The following ZNG1A variants were observed in gnomAD, a reference collection of about 807,000 sequenced individuals.
ZNG1A encodes zinc-regulated GTPase metalloprotein activator 1A.
chr9:129,171 G>A, the ZNG1A span, among the ~76,000 whole-genome samples: 1 of 152,074 alleles, frequency 6.6e-6, no homozygotes, highest in Non-Finnish European at 1.5e-5. Flanking sequence ...GCAGGGAGGT[G>A]GCACTTTCCA....
chr9:139,432 G>A, the ZNG1A span, among the ~76,000 whole-genome samples: 1 of 149,444 alleles, frequency 6.7e-6, no homozygotes, highest in African/African-American at 2.5e-5. Context: ...ACATTCCAGA[G>A]ATCTGCTGCA....
chr9:177,808 A>T, the ZNG1A span: 27 of 1,492,546 alleles, frequency 1.8e-5, no homozygotes, highest in Non-Finnish European at 2.3e-5. Flanking sequence ...TCAGCAGAGC[A>T]GCCTCTGAAT....
chr9:140,152 G>A, the ZNG1A span, among the ~76,000 whole-genome samples: 130 of 151,290 alleles, frequency 8.6e-4, 5 homozygotes, highest in African/African-American at 3.0e-3. Context: ...GAACTGGGTG[G>A]AGCCCACCAC....
chr9:171,298 A>G, the ZNG1A span, among the ~76,000 whole-genome samples: 1 of 152,146 alleles, frequency 6.6e-6, no homozygotes, highest in African/African-American at 2.4e-5. Flanking sequence ...ATACTTTAAT[A>G]TAGTTTTACA....
the ZNG1A span, among the ~76,000 whole-genome samples, chr9:161,969 G>T: frequency 1.3e-5 from 2 of 149,746 alleles, no homozygotes; most frequent in African/African-American, 5.0e-5. Context: ...ATAGGTAAAC[G>T]GGTGCCATGG....
At chr9:167,143 C>T in the ZNG1A span, 10 of 151,498 alleles carry the variant, frequency 6.6e-5, no homozygotes, top group African/African-American at 2.4e-4. Context: ...AAAAATCAGA[C>T]TTTTCTACAG....
At chr9:162,609 T>G in the ZNG1A span, 1 of 611,766 alleles carries the variant, frequency 1.6e-6, no homozygotes, top group East Asian at 2.9e-5. Flanking sequence ...ACTGTTTTTT[T>G]CTCTTGCCAG....
At chr9:167,381 GA>G in the ZNG1A span, 1 of 150,928 alleles carries the variant, frequency 6.6e-6, no homozygotes, top group Non-Finnish European at 1.5e-5. Context: ...GGAGATTATG[GA>G]ACAACATTTA....
At chr9:177,706 G>C in the ZNG1A span, 1 of 1,459,598 alleles carries the variant, frequency 6.9e-7, no homozygotes, top group Non-Finnish European at 9.3e-7. Flanking sequence ...ATTTTCTCCA[G>C]TGATCTACTG....
the ZNG1A span, chr9:151,504 T>TGCA: frequency 1.0e-6 from 1 of 953,966 alleles, no homozygotes; most frequent in Non-Finnish European, 1.2e-6. Flanking sequence ...TTTCTGAAAT[T>TGCA]AAGATAACAT....
chr9:151,822 G>A, the ZNG1A span: 2 of 712,564 alleles, frequency 2.8e-6, no homozygotes, highest in East Asian at 6.4e-5. Flanking sequence ...TCATGGCTTT[G>A]TATTCTTAGT....
the ZNG1A span, chr9:161,634 C>T: frequency 3.0e-5 from 38 of 1,285,780 alleles, no homozygotes; most frequent in Non-Finnish European, 3.8e-5. Context: ...TCATTCTTTT[C>T]TGCCTTTAGT....
chr9:130,162 T>C, the ZNG1A span, among the ~76,000 whole-genome samples: 1 of 150,722 alleles, frequency 6.6e-6, no homozygotes, highest in Non-Finnish European at 1.5e-5. Flanking sequence ...ACATACTCTA[T>C]TTTAAAACTA....
At chr9:178,977 T>A in the ZNG1A span, 1 of 1,094,868 alleles carries the variant, frequency 9.1e-7, no homozygotes, top group East Asian at 2.5e-5. Flanking sequence ...CATTCCGGCC[T>A]ACAGCACGTC....
chr9:131,761 T>A, the ZNG1A span, among the ~76,000 whole-genome samples: 2 of 149,400 alleles, frequency 1.3e-5, no homozygotes, highest in South Asian at 4.2e-4. Context: ...GTAACCAACA[T>A]GTTTCAGGCC....
At chr9:143,421 T>C in the ZNG1A span, among the ~76,000 whole-genome samples, 26 of 128,528 alleles carry the variant, frequency 2.0e-4, no homozygotes, top group Non-Finnish European at 3.7e-4. Context: ...ATCCAGCATA[T>C]AAACAGAACC....
chr9:130,264 C>A, the ZNG1A span, among the ~76,000 whole-genome samples: 1 of 140,382 alleles, frequency 7.1e-6, no homozygotes, highest in African/African-American at 2.8e-5. Flanking sequence ...CCTAAAAGTC[C>A]ACATAAAAAT....
chr9:169,022 T>C, the ZNG1A span, among the ~76,000 whole-genome samples: 2 of 152,106 alleles, frequency 1.3e-5, no homozygotes, highest in East Asian at 1.9e-4. Flanking sequence ...CTTTGACTTT[T>C]AAGTCTTATT....
chr9:169,608 C>G, the ZNG1A span, among the ~76,000 whole-genome samples: 1 of 145,752 alleles, frequency 6.9e-6, no homozygotes, highest in African/African-American at 2.6e-5. Context: ...TCAACTAATG[C>G]AGCAAACTTC....
Sources: gnomAD v4.1 joint callset for allele counts (sites outside exome capture counted in the v4.1 genomes callset) on GRCh38, gnomAD v4.1.1 for gene constraint, MANE v1.5 for transcripts, NCBI Gene and HGNC (gene_info 2026-07-23, HGNC 2026-07-21) for gene names.